The following THOC2 variants were observed in gnomAD, a reference collection of about 807,000 sequenced individuals.
THOC2 encodes THO complex subunit 2.
A neutral mutation model predicts 128.4 loss-of-function variants in THOC2; 10 were observed. That is an observed-to-expected ratio of 0.08 (90% CI 0.05 to 0.13). THOC2 has a LOEUF of 0.13. Among genes scored for constraint, THOC2 ranks in the 10% least tolerant of loss-of-function variants. THOC2 has a pLI of 1.00. For missense variants in THOC2, 535 were observed against 1,155.7 expected (o/e 0.46, Z 7.79); for synonymous variants, 393 against 396.9 (o/e 0.99, Z 0.12).
At chrX:123,668,435 A>G (rs1196216909) in intron 9 of THOC2, 121 bp from the exon 10 acceptor site, 2 of 423,763 alleles carry the variant, frequency 4.7e-6, no homozygotes. Context: ...ATTCGTGACC[A>G]TTTGCCTTCT....
intron 8 of THOC2, among the ~76,000 whole-genome samples, chrX:123,682,068 A>T (rs1458536409): frequency 8.9e-6 from 1 of 112,419 alleles, no homozygotes; most frequent in Non-Finnish European, 1.9e-5. Flanking sequence ...AAAAAAAGAA[A>T]AAAAAGGAAA....
At chrX:123,668,420 A>C (rs111578047) in intron 9 of THOC2, 106 bp from the exon 10 acceptor site, 64 of 489,609 alleles carry the variant, frequency 1.3e-4, no homozygotes, top group African/African-American at 1.3e-3. Context: ...TAAGAAGTCT[A>C]ACTTATTCGT....
intron 8 of THOC2, among the ~76,000 whole-genome samples, chrX:123,679,815 A>C (rs2049676500): frequency 8.9e-6 from 1 of 112,223 alleles, no homozygotes; most frequent in Non-Finnish European, 1.9e-5. Context: ...GTGCTGTGTC[A>C]ACTCAGGGTT....
rs1204468933 is a variant in THOC2, at chrX:123,632,982, G to A, written c.2195C>T (p.Ala732Val). 1.7e-6 allele frequency: 2 copies of A among 1,209,562 alleles called. No individual in the cohort carries two copies. Among genetic ancestry groups the A allele is most frequent in the Admixed American group, 4.4e-5 (2 of 45,975 alleles). Residue 732 changes from alanine to valine, a missense_variant, in exon 21 of 39, where the codon GCT (alanine) becomes GTT (valine). Coordinates refer to ENST00000245838, the MANE Select transcript of THOC2 (RefSeq NM_001081550.2). Reference sequence around the variant, plus strand: ...AAGGGCAAGATCATGGTCCAATAGAGCATCCTTTAATCTCTGAGAGGATTT... The same window carrying A: ...AAGGGCAAGATCATGGTCCAATAGAACATCCTTTAATCTCTGAGAGGATTT... ...TKKSSQRLKD[A>V]LLDHDLALPL...
chrX:123,697,684 A>G lies in THOC2; in HGVS notation c.342T>C (p.Cys114=). 1.9e-6 allele frequency: 2 copies of G among 1,058,604 alleles called. No individual in the cohort carries two copies. The highest frequency in any genetic ancestry group is 4.1e-5 in the South Asian group (2 of 48,893). 87.2% of individuals were successfully genotyped at this position (1,058,604 alleles called of 1,213,427 possible). ...RDYFTQLVLA[C]LYLVSDTVLK... ...AAAAATATTTTTAAAAACTTACCAAACATGCTAATACCAACTGTGTAAAAT... is the reference window on the plus strand; with the variant it reads ...AAAAATATTTTTAAAAACTTACCAAGCATGCTAATACCAACTGTGTAAAAT... Residue 114 remains cysteine (C), a synonymous_variant, in exon 5 of 39, where the codon TGT becomes TGC. Coordinates refer to ENST00000245838, the MANE Select transcript of THOC2 (RefSeq NM_001081550.2).
chrX:123,697,783 G>C (rs2050505184), intron 4 of THOC2, 32 bp from the exon 5 acceptor site: 1 of 674,891 alleles, frequency 1.5e-6, no homozygotes, highest in African/African-American at 2.2e-5. Flanking sequence ...AAGTTTGATT[G>C]ATTTGTCTAG....
chrX:123,673,810 TA>T (rs778873942), intron 8 of THOC2, among the ~76,000 whole-genome samples: 3 of 112,114 alleles, frequency 2.7e-5, no homozygotes, highest in Admixed American at 9.5e-5. Flanking sequence ...CGCCTCACAC[TA>T]CCAGGCCTGG....
chrX:123,660,723 C>A (rs909335594), intron 12 of THOC2, among the ~76,000 whole-genome samples: 2 of 112,200 alleles, frequency 1.8e-5, no homozygotes, highest in Admixed American at 1.9e-4. Context: ...TTCTAAATTT[C>A]TTTAAATTTT....
At chrX:123,638,727 T>TACACACACAC (rs753366301) in intron 17 of THOC2, among the ~76,000 whole-genome samples, 4 of 81,410 alleles carry the variant, frequency 4.9e-5, no homozygotes, top group African/African-American at 1.8e-4. Context: ...GACACACACG[T>TACACACACAC]ACACACACAC....
intron 20 of THOC2, among the ~76,000 whole-genome samples, chrX:123,633,507 A>G (rs1338115113): frequency 9.0e-6 from 1 of 111,371 alleles, no homozygotes; most frequent in Non-Finnish European, 1.9e-5. Flanking sequence ...GGTTCAAGCA[A>G]TTCTCCTGCC....
chrX:123,667,273 A>T lies in THOC2; in HGVS notation c.1023T>A (p.Pro341=), dbSNP rs756555963. Residue 341 remains proline, a synonymous_variant, in exon 11 of 39, where the codon CCT becomes CCA. Coordinates refer to ENST00000245838, the MANE Select transcript of THOC2 (RefSeq NM_001081550.2). ...EKEEEKVEKP[P]DNQKLGLLEA... ...CCAACAAGCCAAGTTTTTGGTTATCAGGTGGCTAAAAATGAATAGTCAAAA... is the reference window on the plus strand; with the variant it reads ...CCAACAAGCCAAGTTTTTGGTTATCTGGTGGCTAAAAATGAATAGTCAAAA... 9 of 1,193,373 alleles carry T rather than the reference A, an allele frequency of 7.5e-6. No individual in the cohort carries two copies. The East Asian group carries it at 2.7e-4, about 36-fold the overall frequency.
intron 38 of THOC2, among the ~76,000 whole-genome samples, chrX:123,604,693 G>T (rs2046403618): frequency 9.0e-6 from 1 of 111,727 alleles, no homozygotes; most frequent in Non-Finnish European, 1.9e-5. Flanking sequence ...AAGGTCCTAA[G>T]AAATGTTTTA....
chrX:123,610,890 A>G, intron 38 of THOC2, 28 bp downstream of exon 38: 1 of 1,156,033 alleles, frequency 8.7e-7, no homozygotes. Context: ...TCTATCATTA[A>G]GTGAAAAGGT....
At chrX:123,716,515 G>A (rs1381455553) in intron 1 of THOC2, among the ~76,000 whole-genome samples, 1 of 111,016 alleles carries the variant, frequency 9.0e-6, no homozygotes, top group African/African-American at 3.3e-5. Context: ...CACAAGGTAA[G>A]GAGATCGAGA....
At chrX:123,642,260 CTAAAAATA>C (rs2047950887) in intron 15 of THOC2, among the ~76,000 whole-genome samples, 1 of 110,374 alleles carries the variant, frequency 9.1e-6, no homozygotes, top group Non-Finnish European at 1.9e-5. Context: ...CCCGTCTCTA[CTAAAAATA>C]CAAAGAATTA....
At chrX:123,659,130 T>C (rs772491903) in intron 12 of THOC2, among the ~76,000 whole-genome samples, 1 of 112,319 alleles carries the variant, frequency 8.9e-6, no homozygotes, top group East Asian at 2.8e-4. Flanking sequence ...CCTCCACTGC[T>C]TAAGCCTAGA....
intron 2 of THOC2, among the ~76,000 whole-genome samples, chrX:123,707,246 C>T (rs2050971189): frequency 9.0e-6 from 1 of 111,228 alleles, no homozygotes; most frequent in African/African-American, 3.3e-5. Flanking sequence ...ATATAGCATT[C>T]TGATTCCCCC....
At chrX:123,699,465 A>G (rs1245001259) in intron 4 of THOC2, among the ~76,000 whole-genome samples, 1 of 111,837 alleles carries the variant, frequency 8.9e-6, no homozygotes, top group Admixed American at 9.5e-5. Flanking sequence ...CTTTTAACCC[A>G]TGTGTATCTC....
chrX:123,631,238 T>C (rs969912614), intron 22 of THOC2, among the ~76,000 whole-genome samples: 1 of 111,951 alleles, frequency 8.9e-6, no homozygotes, highest in African/African-American at 3.2e-5. Context: ...TACCATGGGG[T>C]GTGACAACAG....
Sources: gnomAD v4.1 joint callset for allele counts (sites outside exome capture counted in the v4.1 genomes callset) on GRCh38, gnomAD v4.1.1 for gene constraint, MANE v1.5 for transcripts, NCBI Gene and HGNC (gene_info 2026-07-23, HGNC 2026-07-21) for gene names.